ERBB4: variants seen among roughly 807,000 people sequenced by gnomAD.
ERBB4 encodes erb-b2 receptor tyrosine kinase 4.
Under a neutral mutation model 158.0 loss-of-function variants are expected in ERBB4, and 42 were observed. The ratio of observed to expected loss-of-function variants is 0.27; its 90% CI spans 0.21 to 0.34. The LOEUF (loss-of-function observed/expected upper bound fraction) is 0.34, where lower values mean the gene tolerates loss of function less well. Ranked by LOEUF, ERBB4 falls within the 10% of genes least tolerant of loss-of-function variation. The pLI is 1.00. For synonymous variants in ERBB4, 583 were observed against 558.7 expected (o/e 1.04, Z -0.61); for missense variants, 1,333 against 1,624.1 (o/e 0.82, Z 3.08).
chr2:211,999,439 C>A (rs2076054214), intron 2 of ERBB4, among the ~76,000 whole-genome samples: 1 of 151,726 alleles, frequency 6.6e-6, no homozygotes. Flanking sequence ...CTCATTTTTG[C>A]AGGGGTATCC....
chr2:211,709,363 A>G (rs2073602563), intron 9 of ERBB4, among the ~76,000 whole-genome samples: 1 of 150,586 alleles, frequency 6.6e-6, no homozygotes, highest in African/African-American at 2.4e-5. Context: ...TTTAATAATT[A>G]TGTTCTATGA....
chr2:212,293,861 A>AC (rs113083041), intron 1 of ERBB4, among the ~76,000 whole-genome samples: 3,507 of 149,692 alleles, frequency 0.023, 89 homozygotes, highest in Non-Finnish European at 0.036. Context: ...AAAAAAAACA[A>AC]AAAAAAAAAA....
chr2:212,498,096 T>TTGTGTGTGTGTGCATATCTATG (rs1560486194), intron 1 of ERBB4, among the ~76,000 whole-genome samples: 1 of 151,090 alleles, frequency 6.6e-6, no homozygotes. Context: ...AGCCTTTCTA[T>TTGTGTGTGTGTGCATATCTATG]TGTGTGTGTG....
chr2:212,474,206 A>ATT (rs547655901), intron 1 of ERBB4, among the ~76,000 whole-genome samples: 82 of 146,800 alleles, frequency 5.6e-4, no homozygotes, highest in African/African-American at 1.6e-3. Context: ...CAAAATAGTG[A>ATT]TTTTTTTTTT....
At chr2:211,578,033 T>C (rs191821298) in intron 19 of ERBB4, among the ~76,000 whole-genome samples, 4 of 152,040 alleles carry the variant, frequency 2.6e-5, no homozygotes, top group Admixed American at 2.0e-4. Context: ...GTAGATAATA[T>C]GATCCCACAT....
At chr2:211,521,496 G>C (rs1259281181) in intron 20 of ERBB4, among the ~76,000 whole-genome samples, 1 of 152,164 alleles carries the variant, frequency 6.6e-6, no homozygotes, top group East Asian at 1.9e-4. Context: ...ACATAAAAGT[G>C]CATGTGAAGC....
chr2:211,787,632 T>A (rs912277884), intron 4 of ERBB4, among the ~76,000 whole-genome samples: 1 of 152,130 alleles, frequency 6.6e-6, no homozygotes, highest in African/African-American at 2.4e-5. Context: ...ATTGAAAAAA[T>A]TATAGTGAAT....
intron 1 of ERBB4, among the ~76,000 whole-genome samples, chr2:212,476,153 TCACACACA>T (rs59580011): frequency 1.4e-5 from 2 of 144,282 alleles, no homozygotes; most frequent in South Asian, 4.4e-4. Flanking sequence ...TCTCTCTCTG[TCACACACA>T]CACACACACA....
chr2:211,743,178 T>G (rs899822325), intron 5 of ERBB4, among the ~76,000 whole-genome samples: 1 of 152,210 alleles, frequency 6.6e-6, no homozygotes, highest in African/African-American at 2.4e-5. Flanking sequence ...AATCAGCTTA[T>G]CAGCAAGAAA....
chr2:211,510,419 G>A (rs1014606805), intron 20 of ERBB4, among the ~76,000 whole-genome samples: 4 of 152,004 alleles, frequency 2.6e-5, no homozygotes, highest in African/African-American at 4.8e-5. Context: ...TCACCATTAC[G>A]TGATATATCC....
chr2:211,637,466 G>T (rs953915640), intron 16 of ERBB4, among the ~76,000 whole-genome samples: 1 of 151,710 alleles, frequency 6.6e-6, no homozygotes. Context: ...TAGCACACAG[G>T]GTGTCACTAG....
chr2:212,457,081 G>A (rs921618246), intron 1 of ERBB4, among the ~76,000 whole-genome samples: 5 of 151,880 alleles, frequency 3.3e-5, no homozygotes, highest in Admixed American at 1.3e-4. Context: ...TAAAACGGCA[G>A]GGGTACCTAA....
chr2:212,453,121 C>A (rs1319337923), intron 1 of ERBB4, among the ~76,000 whole-genome samples: 1 of 152,110 alleles, frequency 6.6e-6, no homozygotes, highest in Non-Finnish European at 1.5e-5. Context: ...TATCTACATA[C>A]CCACAGGATT....
At chr2:212,186,776 A>G (rs2125700578) in intron 1 of ERBB4, among the ~76,000 whole-genome samples, 1 of 152,306 alleles carries the variant, frequency 6.6e-6, no homozygotes, top group East Asian at 1.9e-4. Flanking sequence ...ACTCAACAAT[A>G]TTCAAAAGAC....
chr2:211,733,690 A>G (rs962163836), intron 5 of ERBB4, among the ~76,000 whole-genome samples: 1 of 144,908 alleles, frequency 6.9e-6, no homozygotes, highest in African/African-American at 2.6e-5. Flanking sequence ...AAAAAAAAAA[A>G]TTTACTTTCT....
intron 1 of ERBB4, among the ~76,000 whole-genome samples, chr2:212,376,814 C>T (rs895272681): frequency 1.3e-5 from 2 of 151,962 alleles, no homozygotes; most frequent in African/African-American, 4.8e-5. Context: ...AGAAGCAAAG[C>T]TTATATTTTT....
intron 2 of ERBB4, among the ~76,000 whole-genome samples, chr2:211,959,188 C>A (rs1559189415): frequency 6.6e-6 from 1 of 151,884 alleles, no homozygotes; most frequent in Non-Finnish European, 1.5e-5. Context: ...GTTTATTGTC[C>A]CCCTCTATTT....
intron 1 of ERBB4, among the ~76,000 whole-genome samples, chr2:212,241,239 AGAGT>A (rs1161392015): frequency 1.3e-5 from 2 of 152,038 alleles, no homozygotes; most frequent in Non-Finnish European, 2.9e-5. Flanking sequence ...ATTGGGTGAG[AGAGT>A]GAGGCCCTGT....
At chr2:212,439,123 A>G in intron 1 of ERBB4, among the ~76,000 whole-genome samples, 1 of 152,204 alleles carries the variant, frequency 6.6e-6, no homozygotes, top group South Asian at 2.1e-4. Context: ...GTGTTTCACT[A>G]CTTCTCAAGA....
Sources: allele counts gnomAD v4.1 joint callset (sites outside exome capture counted in the v4.1 genomes callset), GRCh38; gene constraint gnomAD v4.1.1; transcripts MANE v1.5; gene names NCBI Gene and HGNC (gene_info 2026-07-23, HGNC 2026-07-21).